The following XKR4 variants were observed in gnomAD, a reference collection of about 807,000 sequenced individuals.
XKR4 encodes XK related 4.
Under a neutral mutation model 53.9 loss-of-function variants are expected in XKR4, and 12 were observed. The ratio of observed to expected loss-of-function variants is 0.22; its 90% CI spans 0.14 to 0.36. The LOEUF is 0.36. XKR4 is among the 10% of genes least tolerant of loss of function. The pLI, the probability that XKR4 is intolerant of heterozygous loss-of-function variation, is 1.00. For missense variants in XKR4, 799 were observed against 859.5 expected (o/e 0.93, Z 0.88); for synonymous variants, 354 against 362.4 (o/e 0.98, Z 0.26).
intron 2 of XKR4, among the ~76,000 whole-genome samples, chr8:55,490,327 C>T (rs753638576): frequency 2.6e-5 from 4 of 152,090 alleles, no homozygotes; most frequent in Non-Finnish European, 5.9e-5. Context: ...TGAATTACCA[C>T]AGGAACAAAA....
chr8:55,429,303 A>C lies in XKR4; in HGVS notation c.1006+71426A>C, dbSNP rs780181076. On this transcript the variant is annotated intron_variant, in intron 2 of 2. Transcript: ENST00000327381. The stretch of plus-strand genomic sequence containing the variant: ...AAATGGATAACAGACTTCAGTGTAC[A>C]ACATAAAACTACAAAACCTTTAGAA... Among the ~76,000 whole-genome samples the C allele has an allele frequency of 1.1e-4, 17 of 152,252 alleles. 1 individual carries two copies. Among genetic ancestry groups the C allele is most frequent in the Non-Finnish European group, 1.9e-4 (13 of 68,046 alleles).
chr8:55,268,591 G>T (rs766383989), intron 1 of XKR4, among the ~76,000 whole-genome samples: 1 of 152,094 alleles, frequency 6.6e-6, no homozygotes, highest in Non-Finnish European at 1.5e-5. Context: ...GTAATAAAAA[G>T]AATTTTAGTA....
intron 1 of XKR4, among the ~76,000 whole-genome samples, chr8:55,222,604 T>C (rs1487925541): frequency 1.3e-5 from 2 of 152,228 alleles, no homozygotes; most frequent in East Asian, 1.9e-4. Context: ...CATTTGTCTA[T>C]GTCCTTATTT....
chr8:55,454,507 G>T, intron 2 of XKR4: 2 of 1,269,022 alleles, frequency 1.6e-6, no homozygotes, highest in Non-Finnish European at 2.2e-6. Context: ...GTACGTTGGT[G>T]ATGCCCAGCT....
intron 1 of XKR4, among the ~76,000 whole-genome samples, chr8:55,247,874 T>TTTTTTTTA (rs1818307380): frequency 7.7e-6 from 1 of 130,300 alleles, no homozygotes; most frequent in Non-Finnish European, 1.6e-5. Flanking sequence ...TTTTTTTTTT[T>TTTTTTTTA]GAGACAGAGT....
In XKR4 at chr8:55,524,166, G is replaced by T; in HGVS notation, c.1892G>T (p.Arg631Met). The part of the protein sequence containing the change: ...LAFECSPSPP[R>M]LQYKDDALIQ... ...TTTGAATGTTCCCCATCTCCTCCAAGGCTGCAGTACAAAGATGATGCCCTT... is the reference window on the plus strand; with the variant it reads ...TTTGAATGTTCCCCATCTCCTCCAATGCTGCAGTACAAAGATGATGCCCTT... The change falls in exon 3 of 3, where the codon AGG becomes ATG. Residue 631 changes from arginine (R) to methionine (M), a missense_variant. Arg to Met is a moderately conservative substitution (Grantham distance 91, BLOSUM62 -1). Around this residue, in one of 3 missense-constraint regions of XKR4, gnomAD observed 269 missense variants for 264.4 expected, o/e 1.02. Coordinates refer to ENST00000327381, the MANE Select transcript of XKR4 (RefSeq NM_052898.2). The T allele has an allele frequency of 3.7e-6, 6 of 1,614,204 alleles. No individual in the cohort carries two copies. The highest frequency in any genetic ancestry group is 5.1e-6 in the Non-Finnish European group (6 of 1,180,036).
rs139618671 is a variant in XKR4, at chr8:55,452,716, C to T, written c.1007-70565C>T. The T allele has an allele frequency of 1.2e-3, 1,238 of 1,072,810 alleles. 2 individuals are homozygous for T. Among genetic ancestry groups the T allele is most frequent in the Non-Finnish European group, 1.5e-3 (1,041 of 690,644 alleles). 66.5% of individuals were successfully genotyped at this position (1,072,810 alleles called of 1,614,324 possible). A position where few individuals can be genotyped will look rare whatever the true frequency, so the allele number is the denominator to read the frequency against. ...AAGCGGTTGATGAAGTGGACCACAG[C>T]CCCAGCTACATTGCAGGTCTCTCTG... On this transcript the variant is annotated intron_variant, in intron 2 of 2. Transcript: ENST00000327381.
chr8:55,495,296 C>T (rs1456940762), intron 2 of XKR4, among the ~76,000 whole-genome samples: 5 of 152,136 alleles, frequency 3.3e-5, no homozygotes, highest in African/African-American at 1.2e-4. Context: ...CTTCCTGGAC[C>T]CCCAAGAGCA....
intron 1 of XKR4, among the ~76,000 whole-genome samples, chr8:55,211,501 T>C (rs1254516948): frequency 6.6e-6 from 1 of 152,250 alleles, no homozygotes; most frequent in African/African-American, 2.4e-5. Flanking sequence ...ATTAGGTCTT[T>C]ACTATGGTAT....
intron 1 of XKR4, among the ~76,000 whole-genome samples, chr8:55,136,034 C>T (rs555391511): frequency 2.0e-5 from 3 of 152,174 alleles, no homozygotes; most frequent in East Asian, 3.9e-4. Flanking sequence ...GCTGGGATTA[C>T]AGGTGCACAC....
chr8:55,506,414 A>G (rs1476684481), intron 2 of XKR4, among the ~76,000 whole-genome samples: 2 of 152,230 alleles, frequency 1.3e-5, no homozygotes, highest in Non-Finnish European at 2.9e-5. Context: ...ATAGACCTGT[A>G]CTGCAGTGCC....
At chr8:55,333,674 C>G (rs1803411542) in intron 1 of XKR4, among the ~76,000 whole-genome samples, 2 of 152,084 alleles carry the variant, frequency 1.3e-5, no homozygotes, top group Non-Finnish European at 2.9e-5. Context: ...GCCTGAAATT[C>G]AAGCTGTGCC....
At chr8:55,388,592 C>T (rs1804367221) in intron 2 of XKR4, among the ~76,000 whole-genome samples, 1 of 152,196 alleles carries the variant, frequency 6.6e-6, no homozygotes, top group South Asian at 2.1e-4. Flanking sequence ...GGGAAGCAAG[C>T]TCCCTCATGT....
chr8:55,322,914 A>G (rs746078131), intron 1 of XKR4, among the ~76,000 whole-genome samples: 2 of 152,190 alleles, frequency 1.3e-5, no homozygotes, highest in Non-Finnish European at 2.9e-5. Context: ...TCTTCCCGTG[A>G]GGACTTCCCG....
At chr8:55,504,640 T>C (rs1806497269) in intron 2 of XKR4, among the ~76,000 whole-genome samples, 1 of 152,180 alleles carries the variant, frequency 6.6e-6, no homozygotes, top group African/African-American at 2.4e-5. Context: ...TGGTAATTCC[T>C]CTTTAAATAT....
intron 1 of XKR4, among the ~76,000 whole-genome samples, chr8:55,176,142 T>C (rs113804081): frequency 1.6e-3 from 245 of 152,350 alleles, no homozygotes; most frequent in African/African-American, 5.6e-3. Flanking sequence ...AGATCTATAT[T>C]GTCAGAATGA....
intron 1 of XKR4, among the ~76,000 whole-genome samples, chr8:55,333,335 T>A (rs1000670877): frequency 2.0e-5 from 3 of 152,144 alleles, no homozygotes; most frequent in Non-Finnish European, 4.4e-5. Flanking sequence ...TTTGAACAAA[T>A]AGCCACCCCT....
intron 1 of XKR4, among the ~76,000 whole-genome samples, chr8:55,111,144 AGATTCCAG>A (rs1816225501): frequency 6.6e-6 from 1 of 152,188 alleles, no homozygotes; most frequent in African/African-American, 2.4e-5. Context: ...CAATAGCAGC[AGATTCCAG>A]GCAGGCTACC....
At chr8:55,313,467 T>C (rs1819414940) in intron 1 of XKR4, among the ~76,000 whole-genome samples, 1 of 152,098 alleles carries the variant, frequency 6.6e-6, no homozygotes, top group Non-Finnish European at 1.5e-5. Context: ...CTCTGGCCCT[T>C]GTGGAAGAAA....
Sources: gnomAD v4.1 joint callset for allele counts (sites outside exome capture counted in the v4.1 genomes callset) on GRCh38, gnomAD v4.1.1 for gene constraint, gnomAD v4.1.1 regional missense constraint, MANE v1.5 for transcripts, NCBI Gene and HGNC (gene_info 2026-07-23, HGNC 2026-07-21) for gene names.